LPIN3: variants seen among roughly 807,000 people sequenced by gnomAD.
LPIN3 encodes lipin 3, also known as phosphatidate phosphatase LPIN3.
In LPIN3, 82 loss-of-function variants were observed where a neutral mutation model predicts 94.7. That is an observed-to-expected ratio of 0.87 (90% confidence interval 0.72 to 1.04). The LOEUF is 1.04. Among genes scored for constraint, LPIN3 ranks in the 50% least tolerant of loss-of-function variants. The pLI, the probability that LPIN3 is intolerant of heterozygous loss-of-function variation, is 0.00. For missense variants in LPIN3, 996 were observed against 1,090.5 expected (o/e 0.91, Z 1.22); for synonymous variants, 418 against 443.3 (o/e 0.94, Z 0.72).
chr20:41,344,798 G>A (rs546493642), intron 1 of LPIN3, among the ~76,000 whole-genome samples: 7 of 152,322 alleles, frequency 4.6e-5, no homozygotes, highest in East Asian at 3.9e-4. Flanking sequence ...GGGTCTGAGC[G>A]CCTAGCCAGC....
Position 41,348,611 on chromosome 20 carries a change from T to C in LPIN3, c.289-8T>C. On this transcript the variant is annotated splice_polypyrimidine_tract_variant and splice_region_variant and intron_variant, in intron 3 of 19. Coordinates refer to ENST00000373257, the MANE Select transcript of LPIN3 (RefSeq NM_022896.3). ...GCCCCCGACCTCAGTTCTTGGTCTG[T>C]TCCACAGGAACATGTGCCTCCCGGC... 1 of 1,600,808 alleles carries C rather than the reference T, an allele frequency of 6.2e-7. No individual in the cohort carries two copies. The highest frequency in any genetic ancestry group is 8.5e-7 in the Non-Finnish European group (1 of 1,172,170).
intron 7 of LPIN3, among the ~76,000 whole-genome samples, chr20:41,351,367 G>T (rs144449928): frequency 0.13 from 19,616 of 150,142 alleles, 1,497 homozygotes; most frequent in Non-Finnish European, 0.16. Context: ...TGCGACCTCG[G>T]CTCACTGCAA....
intron 17 of LPIN3, 68 bp downstream of exon 17, chr20:41,358,102 G>A (rs2046278505): frequency 3.2e-6 from 5 of 1,575,172 alleles, no homozygotes; most frequent in Admixed American, 1.8e-5. Context: ...TGCCAGGCCA[G>A]CCTTAGCAGG....
chr20:41,345,386 A>G (rs1312664810), intron 1 of LPIN3, among the ~76,000 whole-genome samples: 1 of 152,204 alleles, frequency 6.6e-6, no homozygotes. Context: ...CTGCTGGCTC[A>G]TCTGTAAACA....
chr20:41,348,299 G>T (rs1431805026), intron 3 of LPIN3, among the ~76,000 whole-genome samples: 4 of 152,206 alleles, frequency 2.6e-5, no homozygotes, highest in Non-Finnish European at 4.4e-5. Context: ...GATAGTCAAG[G>T]CTCCTTCCTG....
chr20:41,358,198 C>G (rs760332225), intron 17 of LPIN3, 39 bp from the exon 18 acceptor site: 30 of 1,605,580 alleles, frequency 1.9e-5, no homozygotes, highest in Non-Finnish European at 2.3e-5. Flanking sequence ...TTCTTCCCTA[C>G]TTTGGCCCCC....
chr20:41,350,002 T>C, intron 6 of LPIN3, 53 bp from the exon 7 acceptor site: 1 of 1,559,288 alleles, frequency 6.4e-7, no homozygotes, highest in Non-Finnish European at 8.7e-7. Context: ...AAAAGCTTTG[T>C]GGGGCATGGG....
chr20:41,346,502 A>C (rs2045782353), intron 2 of LPIN3, among the ~76,000 whole-genome samples: 1 of 152,208 alleles, frequency 6.6e-6, no homozygotes, highest in Non-Finnish European at 1.5e-5. Context: ...GCACTTTGGG[A>C]GGCCGACGCT....
chr20:41,357,299 C>A, intron 15 of LPIN3, 62 bp from the exon 16 acceptor site: 1 of 1,601,116 alleles, frequency 6.2e-7, no homozygotes, highest in Non-Finnish European at 8.5e-7. Flanking sequence ...GGTGGGCCAT[C>A]CTGGGGCTGG....
rs763692970 is a variant in LPIN3 at position 41,352,814 on chromosome 20, G to A, written c.1474G>A (p.Val492Met). 1.2e-6 allele frequency: 2 copies of A among 1,614,120 alleles called. No homozygotes were observed. Residue 492 changes from valine (V) to methionine (M), a missense_variant, in exon 11 of 20, where the codon GTG (valine) becomes ATG (methionine). By Grantham distance (21) the Val-to-Met change is conservative (BLOSUM62 1). Coordinates refer to ENST00000373257, the MANE Select transcript of LPIN3 (RefSeq NM_022896.3). ...TCTCTCTAGGCATTATAACTGGGCT[G>A]TGGCTGCCCCCATGATCCTCTCCCT... ...KINGKHYNWA[V>M]AAPMILSLQA...
intron 8 of LPIN3, 55 bp from the exon 9 acceptor site, chr20:41,352,005 G>T (rs915809947): frequency 1.9e-6 from 3 of 1,613,288 alleles, no homozygotes; most frequent in South Asian, 1.1e-5. Flanking sequence ...GAGGAGGGAG[G>T]ACCCATCTCC....
At position 41,344,737 on chromosome 20, in the gene LPIN3, T is replaced by C. The variant is rs533122109; in HGVS notation, c.-8-1059T>C. Among the ~76,000 whole-genome samples, 13 of 152,230 alleles carry C rather than the reference T, an allele frequency of 8.5e-5. 1 individual carries two copies. The South Asian group carries it at 2.3e-3, about 27-fold the overall frequency. On this transcript the variant is annotated intron_variant, in intron 1 of 19. Coordinates refer to ENST00000373257, the MANE Select transcript of LPIN3 (RefSeq NM_022896.3). ...GGAAAGCTGGAGAGACCGGTCTGGCTGGGGGAGGGAGCAGCTTCAGTGGGC... is the reference window on the plus strand; with the variant it reads ...GGAAAGCTGGAGAGACCGGTCTGGCCGGGGGAGGGAGCAGCTTCAGTGGGC...
rs373018274 is a variant in LPIN3 at position 41,358,231 on chromosome 20, C to T, written c.2193-6C>T. 236 of 1,613,078 alleles carry T rather than the reference C, an allele frequency of 1.5e-4. No homozygotes were observed. The highest frequency in any genetic ancestry group is 1.9e-4 in the Non-Finnish European group (219 of 1,179,838). ...CCCTTCCCTGCTGTGGTTCTGGCCA[C>T]CCCAGAGAGGTGATCGAGAAGAAAC... On this transcript the variant is annotated splice_region_variant and splice_polypyrimidine_tract_variant and intron_variant, in intron 17 of 19. Transcript: ENST00000373257.
At position 41,348,802 on chromosome 20, in the gene LPIN3, G is replaced by C. The variant is rs200713042; in HGVS notation, c.472G>C (p.Ala158Pro). The change falls in exon 4 of 20, where the codon GCA becomes CCA. Residue 158 changes from alanine to proline, a missense_variant. Ala to Pro is a conservative substitution (Grantham distance 27). Transcript: ENST00000373257. ...RKPKQKEDAV[A>P]TDSSPEELEA... ...ACCCAAGCAGAAAGAGGATGCAGTG[G>C]CAACTGATTCTAGTCCAGAGGAACT... The C allele has an allele frequency of 6.2e-7, 1 of 1,612,130 alleles. No homozygotes were observed. Among genetic ancestry groups the C allele is most frequent in the African/African-American group, 1.3e-5 (1 of 74,980 alleles).
At position 41,351,927 on chromosome 20, in the gene LPIN3, G is replaced by C; in HGVS notation, c.1202+7G>C. On this transcript the variant is annotated splice_region_variant and intron_variant, in intron 8 of 19. Coordinates refer to ENST00000373257, the MANE Select transcript of LPIN3 (RefSeq NM_022896.3). ...CGCTTTACTTCCCCCAAAGGTGCCT[G>C]GGTTCTGGATGCCAGGGTGTCTTGG... 1 of 1,614,220 alleles carries C rather than the reference G, an allele frequency of 6.2e-7. No individual in the cohort carries two copies. Among genetic ancestry groups the C allele is most frequent in the South Asian group, 1.1e-5 (1 of 91,088 alleles).
rs758155169 is a variant in LPIN3, at chr20:41,348,843, G to A, written c.513G>A (p.Glu171=). 1.2e-6 allele frequency: 2 copies of A among 1,608,994 alleles called. No homozygotes were observed. The highest frequency in any genetic ancestry group is 1.7e-5 in the Admixed American group (1 of 59,184). The change falls in exon 4 of 20, where the codon GAG becomes GAA. Residue 171 remains glutamate, a synonymous_variant. Transcript: ENST00000373257. The part of the protein sequence containing the change: ...SSPEELEAGA[E]SELSLPEKLR... Reference sequence around the variant, plus strand: ...CAGAGGAACTGGAGGCAGGCGCTGAGAGTGAGCTATCCCTGCCGGAAAAGC... The same window carrying A: ...CAGAGGAACTGGAGGCAGGCGCTGAAAGTGAGCTATCCCTGCCGGAAAAGC...
At chr20:41,346,154 G>A (rs1272814630) in intron 2 of LPIN3, among the ~76,000 whole-genome samples, 159 bp downstream of exon 2, 1 of 152,188 alleles carries the variant, frequency 6.6e-6, no homozygotes, top group Non-Finnish European at 1.5e-5. Flanking sequence ...AGGTTTTTGG[G>A]TTGATTTGGG....
chr20:41,357,207 T>G lies in LPIN3; in HGVS notation c.1952+19T>G, dbSNP rs6072350. 1 of 1,612,900 alleles carries G rather than the reference T, an allele frequency of 6.2e-7. No homozygotes were observed. The highest frequency in any genetic ancestry group is 1.3e-5 in the African/African-American group (1 of 74,866). ...TCACCAAGTGAGGCCCACCCAGCTGTGGGAAGGGGAGGGAGAGGGGTTGTG... is the reference window on the plus strand; with the variant it reads ...TCACCAAGTGAGGCCCACCCAGCTGGGGGAAGGGGAGGGAGAGGGGTTGTG... On this transcript the variant is annotated intron_variant, in intron 15 of 19. Transcript: ENST00000373257.
chr20:41,351,009 G>C (rs2045988297), intron 7 of LPIN3, among the ~76,000 whole-genome samples: 1 of 152,060 alleles, frequency 6.6e-6, no homozygotes, highest in South Asian at 2.1e-4. Flanking sequence ...ACTTTGGAAG[G>C]CTGAGGTGGG....
Sources: allele counts gnomAD v4.1 joint callset (sites outside exome capture counted in the v4.1 genomes callset), GRCh38; gene constraint gnomAD v4.1.1; transcripts MANE v1.5; gene names NCBI Gene and HGNC (gene_info 2026-07-23, HGNC 2026-07-21).